TEX9: variants seen among roughly 807,000 people sequenced by gnomAD.
The protein encoded by TEX9 is testis expressed 9.
TEX9 carries 74 observed loss-of-function variants against 59.6 expected under a neutral mutation model. The observed-to-expected ratio is 1.24, with a 90% CI of 1.03 to 1.51. The LOEUF (loss-of-function observed/expected upper bound fraction) is 1.51. Among genes scored for constraint, TEX9 ranks in the 40% most tolerant of loss-of-function variants. TEX9 has a pLI of 0.00. For synonymous variants in TEX9, 186 were observed against 152.2 expected (o/e 1.22, Z -1.64); for missense variants, 522 against 447.8 (o/e 1.17, Z -1.49).
intron 12 of TEX9, among the ~76,000 whole-genome samples, chr15:56,441,356 G>A (rs2050811085): frequency 6.6e-6 from 1 of 151,908 alleles, no homozygotes; most frequent in African/African-American, 2.4e-5. Context: ...TTTGTGTTCT[G>A]CTGTTGTTGG....
At chr15:56,401,796 G>T (rs1303710510) in intron 9 of TEX9, among the ~76,000 whole-genome samples, 2 of 152,172 alleles carry the variant, frequency 1.3e-5, no homozygotes, top group Non-Finnish European at 2.9e-5. Flanking sequence ...AGACCACAGT[G>T]CAATCAAATT....
intron 6 of TEX9, 102 bp downstream of exon 6, chr15:56,389,502 A>G (rs2048109723): frequency 1.2e-6 from 1 of 805,264 alleles, no homozygotes; most frequent in Non-Finnish European, 2.0e-6. Context: ...AGATCTTTTT[A>G]CACCCTAAAC....
intron 1 of TEX9, among the ~76,000 whole-genome samples, chr15:56,308,732 T>C (rs2045538242): frequency 6.6e-6 from 1 of 152,134 alleles, no homozygotes; most frequent in African/African-American, 2.4e-5. Flanking sequence ...TTTTGTATAG[T>C]GTATGAGGAA....
intron 1 of TEX9, among the ~76,000 whole-genome samples, chr15:56,320,931 A>T (rs1203426572): frequency 6.6e-6 from 1 of 152,196 alleles, no homozygotes; most frequent in African/African-American, 2.4e-5. Context: ...GTACATTTCC[A>T]CTAATATGCA....
intron 7 of TEX9, chr15:56,393,867 A>C (rs1350950939): frequency 1.1e-5 from 2 of 189,484 alleles, no homozygotes; most frequent in South Asian, 2.5e-4. Flanking sequence ...TCTCAGGGAC[A>C]TTACTGACCT....
intron 1 of TEX9, among the ~76,000 whole-genome samples, chr15:56,330,480 A>G (rs2046117072): frequency 6.6e-6 from 1 of 152,194 alleles, no homozygotes. Flanking sequence ...ACTTTTCAAG[A>G]CATAGTATAA....
intron 1 of TEX9, among the ~76,000 whole-genome samples, chr15:56,273,353 A>G (rs552655394): frequency 5.3e-5 from 8 of 152,284 alleles, no homozygotes; most frequent in Middle Eastern, 3.4e-3. Context: ...GTCTCAATTA[A>G]TCACAGTTTA....
At chr15:56,419,368 C>G (rs1300589214) in intron 10 of TEX9, among the ~76,000 whole-genome samples, 1 of 151,738 alleles carries the variant, frequency 6.6e-6, no homozygotes, top group Non-Finnish European at 1.5e-5. Context: ...GTGTATTCTT[C>G]ACTGGTTTTC....
At chr15:56,332,841 A>G (rs1445199418) in intron 1 of TEX9, among the ~76,000 whole-genome samples, 3 of 152,186 alleles carry the variant, frequency 2.0e-5, no homozygotes, top group Admixed American at 1.3e-4. Flanking sequence ...AGGAGACATT[A>G]CAACTGATAA....
At chr15:56,393,980 T>C (rs1275726342) in intron 7 of TEX9, 185 bp from the exon 8 acceptor site, 1 of 435,712 alleles carries the variant, frequency 2.3e-6, no homozygotes, top group Non-Finnish European at 4.1e-6. Flanking sequence ...TTCTGTTGAG[T>C]GGATTTATTC....
At chr15:56,459,785 G>A in the TEX9 span, among the ~76,000 whole-genome samples, 1 of 151,176 alleles carries the variant, frequency 6.6e-6, no homozygotes, top group Non-Finnish European at 1.5e-5. Context: ...TAGGTTGGGA[G>A]TTGGAGACGA....
rs541120178 is a variant in TEX9 at position 56,341,182 on chromosome 15, G to C, written c.-106-32259G>C. Among the ~76,000 whole-genome samples the C allele has an allele frequency of 9.8e-4, 149 of 152,170 alleles. 1 individual carries two copies. Among genetic ancestry groups the C allele is most frequent in the African/African-American group, 3.4e-3 (143 of 41,530 alleles). On this transcript the variant is annotated intron_variant, in intron 1 of 5. Coordinates refer to the TEX9 transcript ENST00000560827. The stretch of plus-strand genomic sequence containing the variant: ...TAGTTTTTATACCTGGCTTTGAATT[G>C]ATGAGCAATCACATTTAGCCTTTTT...
At chr15:56,363,918 A>G (rs2046841785), upstream of TEX9, among the ~76,000 whole-genome samples, 1 of 150,940 alleles carries the variant, frequency 6.6e-6, no homozygotes, top group Admixed American at 6.6e-5. Flanking sequence ...CCTGGGCTCA[A>G]GTGATCCTCC....
At chr15:56,389,847 TTTG>T (rs1467748634) in intron 6 of TEX9, among the ~76,000 whole-genome samples, 3 of 151,908 alleles carry the variant, frequency 2.0e-5, no homozygotes, top group Admixed American at 1.3e-4. Context: ...TAATTTACAT[TTTG>T]TTGTTTTGGG....
chr15:56,292,231 C>T (rs1596069296), intron 1 of TEX9, among the ~76,000 whole-genome samples: 1 of 152,114 alleles, frequency 6.6e-6, no homozygotes, highest in Admixed American at 6.5e-5. Context: ...CCAGGGGTGG[C>T]GTCCTCTTAC....
At chr15:56,447,487 T>C (rs2050915534), downstream of TEX9, 1 of 152,198 alleles carries the variant, frequency 6.6e-6, no homozygotes. Context: ...TATCTGTGTT[T>C]TATTTTGGTA....
At chr15:56,417,849 T>G (rs978919309) in intron 10 of TEX9, among the ~76,000 whole-genome samples, 2 of 151,948 alleles carry the variant, frequency 1.3e-5, no homozygotes, top group Non-Finnish European at 2.9e-5. Flanking sequence ...GAACTTGCCT[T>G]ATGAATCTGG....
intron 12 of TEX9, among the ~76,000 whole-genome samples, chr15:56,437,440 A>T (rs1453164018): frequency 6.6e-6 from 1 of 152,184 alleles, no homozygotes; most frequent in African/African-American, 2.4e-5. Context: ...AACTCTCAAT[A>T]AATTAGGTGT....
At chr15:56,327,344 A>C (rs2046040780) in intron 1 of TEX9, among the ~76,000 whole-genome samples, 2 of 152,204 alleles carry the variant, frequency 1.3e-5, no homozygotes, top group African/African-American at 2.4e-5. Context: ...TTGAACAATG[A>C]ATCCTTACTT....
Sources: gnomAD v4.1 joint callset for allele counts (sites outside exome capture counted in the v4.1 genomes callset) on GRCh38, gnomAD v4.1.1 for gene constraint, MANE v1.5 for transcripts, NCBI Gene and HGNC (gene_info 2026-07-23, HGNC 2026-07-21) for gene names.